Variants in GALC observed in about 807,000 individuals in gnomAD.
GALC encodes the protein galactocerebrosidase.
GALC carries 77 observed loss-of-function variants against 91.8 expected under a neutral mutation model. That is an observed-to-expected ratio of 0.84 (90% CI 0.70 to 1.01). GALC has a LOEUF of 1.01. Among genes scored for constraint, GALC ranks in the 50% least tolerant of loss-of-function variants. GALC has a pLI of 0.00. For synonymous variants in GALC, 357 were observed against 306.7 expected (o/e 1.16, Z -1.71); for missense variants, 882 against 855.9 (o/e 1.03, Z -0.38).
At chr14:87,987,193 C>A in intron 3 of GALC, 1 of 349,644 alleles carries the variant, frequency 2.9e-6, no homozygotes, top group Non-Finnish European at 5.5e-6. Flanking sequence ...TAATTGCTAT[C>A]AAAGTCCTCG....
rs1327540031 is a variant in GALC at position 87,953,713 on chromosome 14, G to A, written c.1162-2965C>T. 14 of 1,607,876 alleles carry A rather than the reference G, an allele frequency of 8.7e-6. No homozygotes were observed. In the Admixed American group the frequency reaches 2.3e-4, roughly 27 times the overall value. On this transcript the variant is annotated intron_variant, in intron 10 of 16. Transcript: ENST00000261304. ...TAAGAAAATGAAGTTGATTTCTAAT[G>A]CAGGAGATTCTGTTGTAGAAATGGA...
In GALC at chr14:87,976,459, A is replaced by C. The variant is rs1886497979; in HGVS notation, c.651T>G (p.Gly217=). 6.2e-7 allele frequency: 1 copy of C among 1,612,924 alleles called. No homozygotes were observed. The highest frequency in any genetic ancestry group is 8.5e-7 in the Non-Finnish European group (1 of 1,178,914). ...KILRKMLNYQ[G]LQRVKIIASD... ...TTGCTATGATTTTCACTCGCTGGAG[A>C]CCTTGATAATTCAGCATTTTTCTTA... The change falls in exon 7 of 17, where the codon GGT becomes GGG. Residue 217 remains glycine (G), a synonymous_variant. Coordinates refer to ENST00000261304, the MANE Select transcript of GALC (RefSeq NM_000153.4).
chr14:87,977,206 C>CA (rs745612820), intron 6 of GALC, among the ~76,000 whole-genome samples: 4 of 152,068 alleles, frequency 2.6e-5, no homozygotes, highest in Admixed American at 6.6e-5. Context: ...AAGTATTTTC[C>CA]ACGGTCTTCA....
At chr14:87,992,776 G>T in intron 1 of GALC, 194 bp downstream of exon 1, 1 of 1,413,644 alleles carries the variant, frequency 7.1e-7, no homozygotes, top group Non-Finnish European at 9.2e-7. Flanking sequence ...TGTCTGGTTC[G>T]TGTTAAACGA....
intron 10 of GALC, among the ~76,000 whole-genome samples, chr14:87,955,919 G>C (rs140289454): frequency 6.6e-6 from 1 of 151,032 alleles, no homozygotes; most frequent in Non-Finnish European, 1.5e-5. Context: ...AGAGTATGCC[G>C]AGTATTAATA....
chr14:87,947,131 A>C (rs1885105342), intron 13 of GALC, among the ~76,000 whole-genome samples: 1 of 152,072 alleles, frequency 6.6e-6, no homozygotes, highest in African/African-American at 2.4e-5. Flanking sequence ...AGCAGTCAAC[A>C]AATTTTGTTA....
chr14:87,983,723 C>A (rs1886846647), intron 5 of GALC, among the ~76,000 whole-genome samples: 1 of 152,180 alleles, frequency 6.6e-6, no homozygotes. Flanking sequence ...CATGCCTCCA[C>A]CCAGCCAAGA....
intron 16 of GALC, among the ~76,000 whole-genome samples, chr14:87,938,963 T>C (rs1253607634): frequency 6.6e-6 from 1 of 151,140 alleles, no homozygotes; most frequent in Non-Finnish European, 1.5e-5. Context: ...GATAGAAAAA[T>C]GAAGAAAGAA....
chr14:87,949,536 C>A (rs111231057), intron 12 of GALC, among the ~76,000 whole-genome samples: 1 of 151,790 alleles, frequency 6.6e-6, no homozygotes, highest in African/African-American at 2.4e-5. Context: ...CAAGAAGTAA[C>A]GGTGGTAATG....
chr14:87,980,640 T>C, intron 6 of GALC: 1 of 216,496 alleles, frequency 4.6e-6, no homozygotes, highest in Non-Finnish European at 7.8e-6. Context: ...CAGGGAGAGG[T>C]GTCATCTCCT....
At chr14:87,942,583 C>T (rs1367257100) in intron 14 of GALC, among the ~76,000 whole-genome samples, 2 of 151,970 alleles carry the variant, frequency 1.3e-5, no homozygotes, top group Non-Finnish European at 1.5e-5. Flanking sequence ...ATAACCAAGT[C>T]ATAAATCAAG....
chr14:87,953,157 G>T, intron 10 of GALC: 1 of 1,468,442 alleles, frequency 6.8e-7, no homozygotes, highest in East Asian at 2.3e-5. Flanking sequence ...GCCAAGGTCT[G>T]AAGTCTGAAG....
At position 87,986,508 on chromosome 14, in the gene GALC, AT is replaced by A. The variant is rs1886977946; in HGVS notation, c.422del (p.Asn141IlefsTer30). ...WWLMKEAKKR[N>X]PNITLIGLPW... is the part of the protein sequence containing the mutation. ...TCTTACCAATGAGTGTAATATTGGG[AT>A]TCCTCTTCTTAGCTTCTTTCATCAA... On this transcript the variant is annotated frameshift_variant, in exon 4 of 17. Transcript: ENST00000261304. LOFTEE classifies it high-confidence loss of function. The A allele has an allele frequency of 6.3e-7, 1 of 1,596,022 alleles. No individual in the cohort carries two copies. Among genetic ancestry groups the A allele is most frequent in the Non-Finnish European group, 8.6e-7 (1 of 1,163,740 alleles).
chr14:87,950,338 A>G (rs1885249775), intron 11 of GALC, among the ~76,000 whole-genome samples: 1 of 152,016 alleles, frequency 6.6e-6, no homozygotes, highest in Non-Finnish European at 1.5e-5. Flanking sequence ...CTTTTAAACA[A>G]TATTTTTGGC....
chr14:87,948,396 C>T (rs1397528800), intron 12 of GALC, among the ~76,000 whole-genome samples: 4 of 151,976 alleles, frequency 2.6e-5, no homozygotes, highest in Admixed American at 6.6e-5. Context: ...ACGATCTTGG[C>T]AACTTAATCT....
Position 87,986,544 on chromosome 14 carries a change from G to C in GALC, c.387C>G (p.Tyr129Ter), listed in dbSNP as rs1240965365. ...YALDENYFRG[Y>*]EWWLMKEAKK... is the part of the protein sequence containing the mutation. ...TAGCTTCTTTCATCAACCACCACTC[G>C]TATCCTCGGAAATAATTCTCATCTA... The change falls in exon 4 of 17, where the codon TAC becomes TAG. Residue 129 changes from tyrosine (Y) to a stop codon, truncating the protein, a stop_gained. Transcript: ENST00000261304. LOFTEE classifies it high-confidence loss of function. The C allele has an allele frequency of 1.2e-6, 2 of 1,613,400 alleles. No individual in the cohort carries two copies. Among genetic ancestry groups the C allele is most frequent in the Non-Finnish European group, 1.7e-6 (2 of 1,179,586 alleles).
intron 3 of GALC, among the ~76,000 whole-genome samples, chr14:87,987,300 A>C (rs976218406): frequency 6.6e-6 from 1 of 152,182 alleles, no homozygotes. Context: ...CAGAATTCAC[A>C]AGAACTGCCT....
chr14:87,949,758 A>T (rs1278911792), intron 12 of GALC, 87 bp downstream of exon 12: 15 of 734,644 alleles, frequency 2.0e-5, no homozygotes, highest in Non-Finnish European at 4.9e-6. Flanking sequence ...TTATAAAAAT[A>T]AAAATTCTTA....
At chr14:87,956,658 C>T (rs1256206613) in intron 10 of GALC, among the ~76,000 whole-genome samples, 1 of 151,446 alleles carries the variant, frequency 6.6e-6, no homozygotes, top group African/African-American at 2.4e-5. Context: ...CCTTTATCCA[C>T]TCATCAGTTG....
Sources: gnomAD v4.1 joint callset for allele counts (sites outside exome capture counted in the v4.1 genomes callset) on GRCh38, gnomAD v4.1.1 for gene constraint, MANE v1.5 for transcripts, NCBI Gene and HGNC (gene_info 2026-07-23, HGNC 2026-07-21) for gene names.